The following IDI1 variants were observed in gnomAD, a reference collection of about 807,000 sequenced individuals.
IDI1 encodes isopentenyl-diphosphate Delta-isomerase 1.
In IDI1, 23 loss-of-function variants were observed where a neutral mutation model predicts 32.9. The ratio of observed to expected loss-of-function variants is 0.70; its 90% CI spans 0.50 to 0.99. The LOEUF is 0.99. Among genes scored for constraint, IDI1 ranks in the 50% least tolerant of loss-of-function variants. The pLI is 0.00. For missense variants in IDI1, 326 were observed against 351.9 expected (o/e 0.93, Z 0.59); for synonymous variants, 133 against 128.2 (o/e 1.04, Z -0.25).
chr10:1,056,059 G>C, the IDI1 span, among the ~76,000 whole-genome samples: 1 of 152,056 alleles, frequency 6.6e-6, no homozygotes, highest in Admixed American at 6.5e-5. Context: ...CGTCGGCCTC[G>C]GCCTCCCAAA....
In IDI1 at chr10:1,048,888, A is replaced by T. The variant is rs1442020044; in HGVS notation, c.116T>A (p.Val39Asp). 4 of 1,601,792 alleles carry T rather than the reference A, an allele frequency of 2.5e-6. No individual in the cohort carries two copies. The African/African-American group carries it at 4.1e-5, about 16-fold the overall frequency. The change falls in exon 1 of 5, where the codon GTT (valine) becomes GAT (aspartate). Residue 39 changes from valine to aspartate, a missense_variant. This residue lies in a region of IDI1 where 121 missense variants were observed against 78.4 expected (regional missense o/e 1.54). Coordinates refer to ENST00000381344, the MANE Select transcript of IDI1 (RefSeq NM_004508.4). ...AQSGRHPGPAVVCGRRLISVL... is the reference protein window; with the variant it reads ...AQSGRHPGPADVCGRRLISVL... ...CCTGATCAGCCTCCGGCCACAGACA[A>T]CCGCCGGTCCCGGATGGCGCCCGCT...
In IDI1 at chr10:1,048,442, C is replaced by T. The variant is rs545895074; in HGVS notation, c.140+422G>A. The stretch of plus-strand genomic sequence containing the variant: ...CCGCGTCACACGCGTGGACTCGGCA[C>T]GGGGAGGCCGGTGTCGTCACGCTCG... On this transcript the variant is annotated intron_variant, in intron 1 of 4. Transcript: ENST00000381344. 27 of 1,279,392 alleles carry T rather than the reference C, an allele frequency of 2.1e-5. No homozygotes were observed. The African/African-American group carries it at 3.5e-4, about 17-fold the overall frequency. The allele number at this position is 1,279,392 out of a possible 1,614,324, so 79.3% of individuals were successfully genotyped here.
chr10:1,056,670 G>C, the IDI1 span: 1 of 152,244 alleles, frequency 6.6e-6, no homozygotes, highest in African/African-American at 2.4e-5. Context: ...GGTCTTCAGC[G>C]CGCCCAGACC....
At chr10:1,052,861 C>T (rs1426898427), upstream of IDI1, among the ~76,000 whole-genome samples, 2 of 152,180 alleles carry the variant, frequency 1.3e-5, no homozygotes, top group East Asian at 3.8e-4. Flanking sequence ...TTTGACTTCT[C>T]CTCTCTAGTT....
At position 1,039,935 on chromosome 10, in the gene IDI1, A is replaced by C. The variant is rs925003296; in HGVS notation, c.*1252T>G. 6.6e-6 allele frequency: 1 copy of C among 152,272 alleles called. No individual in the cohort carries two copies. The highest frequency in any genetic ancestry group is 2.4e-5 in the African/African-American group (1 of 41,470). 9.4% of individuals were successfully genotyped at this position (152,272 alleles called of 1,614,324 possible). A position where few individuals can be genotyped will look rare whatever the true frequency, so the allele number is the denominator to read the frequency against. ...AAATTGCAATTTTTTTTACTTTTCAATAAAATACTTGCTAAACAGTCTTGT... is the reference window on the plus strand; with the variant it reads ...AAATTGCAATTTTTTTTACTTTTCACTAAAATACTTGCTAAACAGTCTTGT... On this transcript the variant is annotated 3_prime_UTR_variant, in exon 5 of 5. Coordinates refer to ENST00000381344, the MANE Select transcript of IDI1 (RefSeq NM_004508.4).
At chr10:1,049,166 C>T (rs1443903036), upstream of IDI1, 10 of 1,188,222 alleles carry the variant, frequency 8.4e-6, no homozygotes, top group Non-Finnish European at 1.1e-5. Context: ...CAACACGCCC[C>T]ACCCCCAGTT....
chr10:1,048,678 C>T, intron 1 of IDI1, 186 bp downstream of exon 1: 1 of 1,413,432 alleles, frequency 7.1e-7, no homozygotes, highest in Non-Finnish European at 9.2e-7. Flanking sequence ...GGGCGCCCAC[C>T]ACAGCCCGGG....
chr10:1,051,876 G>C (rs1833022572), upstream of IDI1, among the ~76,000 whole-genome samples: 1 of 152,128 alleles, frequency 6.6e-6, no homozygotes, highest in Non-Finnish European at 1.5e-5. Flanking sequence ...TTAAACCACA[G>C]GAAAACTTTT....
At chr10:1,051,244 A>T (rs559090823), upstream of IDI1, among the ~76,000 whole-genome samples, 24 of 152,348 alleles carry the variant, frequency 1.6e-4, 1 homozygote, top group South Asian at 4.3e-3. Context: ...CTCATCAGAA[A>T]AGTTTTTAAG....
chr10:1,048,923 G>A lies in IDI1; in HGVS notation c.81C>T (p.Asp27=), dbSNP rs1463198379. 2 of 1,598,988 alleles carry A rather than the reference G, an allele frequency of 1.3e-6. No homozygotes were observed. The highest frequency in any genetic ancestry group is 2.7e-5 in the African/African-American group (2 of 73,448). The change falls in exon 1 of 5, where the codon GAC becomes GAT. Residue 27 remains aspartate (D), a synonymous_variant. Coordinates refer to ENST00000381344, the MANE Select transcript of IDI1 (RefSeq NM_004508.4). ...CCGGATGGCGCCCGCTTTGAGCACA[G>A]TCTGCGGCGCGCACCGCCCACTGGC... ...GRGQWAVRAA[D]CAQSGRHPGP...
At chr10:1,048,177 T>A in intron 1 of IDI1, 1 of 1,202,820 alleles carries the variant, frequency 8.3e-7, no homozygotes, top group South Asian at 1.3e-5. Flanking sequence ...AATTGCTCTT[T>A]CAGGATTTTC....
Position 1,041,069 on chromosome 10 carries a change from TA to T in IDI1, c.*117del. 1 of 654,888 alleles carries T rather than the reference TA, an allele frequency of 1.5e-6. No individual in the cohort carries two copies. The highest frequency in any genetic ancestry group is 2.1e-5 in the South Asian group (1 of 48,734). 40.6% of individuals were successfully genotyped at this position (654,888 alleles called of 1,614,324 possible). On this transcript the variant is annotated 3_prime_UTR_variant, in exon 5 of 5. Coordinates refer to ENST00000381344, the MANE Select transcript of IDI1 (RefSeq NM_004508.4). ...AGTGTATATAATACATTAATGATAG[TA>T]CCAAATGATAGAACTAAATTTAATG... is the stretch of plus-strand genomic sequence containing the variant.
At chr10:1,050,463 A>G (rs1376313341), upstream of IDI1, among the ~76,000 whole-genome samples, 1 of 152,240 alleles carries the variant, frequency 6.6e-6, no homozygotes, top group African/African-American at 2.4e-5. Context: ...TTAAGTTCCT[A>G]AAGCATACTT....
chr10:1,049,032 T>C lies in IDI1; in HGVS notation c.-29A>G, dbSNP rs957373137. The C allele has an allele frequency of 2.0e-6, 3 of 1,466,284 alleles. No homozygotes were observed. The highest frequency in any genetic ancestry group is 3.0e-5 in the African/African-American group (2 of 67,750). The allele number at this position is 1,466,284 out of a possible 1,614,324, so 90.8% of individuals were successfully genotyped here. A position where few individuals can be genotyped will look rare whatever the true frequency, so the allele number is the denominator to read the frequency against. On this transcript the variant is annotated 5_prime_UTR_variant, in exon 1 of 5. Transcript: ENST00000381344. ...CCGGCCAATTGGCGCCCGTACGCGC[T>C]TGACGACACAATCTCGCCAAGCTTC...
chr10:1,043,967 G>T (rs41285599), intron 2 of IDI1, 32 bp downstream of exon 2: 1 of 1,587,294 alleles, frequency 6.3e-7, no homozygotes, highest in Admixed American at 1.7e-5. Flanking sequence ...TACACAAATC[G>T]CTTTACAAGA....
intron 2 of IDI1, 150 bp downstream of exon 2, chr10:1,043,849 T>G (rs561300622): frequency 1.5e-6 from 1 of 684,218 alleles, no homozygotes; most frequent in East Asian, 2.6e-5. Context: ...GCAAAGCAGA[T>G]GCTAATGACC....
chr10:1,043,470 A>G lies in IDI1; in HGVS notation c.314-77T>C, dbSNP rs1384491986. The G allele has an allele frequency of 8.0e-6, 7 of 870,396 alleles. No individual in the cohort carries two copies. In the Admixed American group the frequency reaches 8.7e-5, roughly 11 times the overall value. 53.9% of individuals were successfully genotyped at this position (870,396 alleles called of 1,614,324 possible). A position where few individuals can be genotyped will look rare whatever the true frequency, so the allele number is the denominator to read the frequency against. On this transcript the variant is annotated intron_variant, in intron 2 of 4. Coordinates refer to ENST00000381344, the MANE Select transcript of IDI1 (RefSeq NM_004508.4). ...CCAAATTCTCTCCCTGCAGTTCAGA[A>G]TAACATTAGTAACTTGCTGCTGCTT...
At chr10:1,045,531 A>G (rs1832774968) in intron 1 of IDI1, among the ~76,000 whole-genome samples, 1 of 152,176 alleles carries the variant, frequency 6.6e-6, no homozygotes, top group South Asian at 2.1e-4. Context: ...CAATGGTGCA[A>G]TCTCAGCTCA....
intron 1 of IDI1, chr10:1,048,463 G>A: frequency 7.9e-7 from 1 of 1,259,168 alleles, no homozygotes; most frequent in Non-Finnish European, 1.0e-6. Context: ...GTGTCGTCAC[G>A]CTCGTGTTTC....
Sources: gnomAD v4.1 joint callset for allele counts (sites outside exome capture counted in the v4.1 genomes callset) on GRCh38, gnomAD v4.1.1 for gene constraint, gnomAD v4.1.1 regional missense constraint, MANE v1.5 for transcripts, NCBI Gene and HGNC (gene_info 2026-07-23, HGNC 2026-07-21) for gene names.